ZNF581: variants seen among roughly 807,000 people sequenced by gnomAD.
ZNF581 encodes zinc finger protein 581.
In ZNF581, 1 loss-of-function variant was observed where a neutral mutation model predicts 1.2. The ratio of observed to expected loss-of-function variants is 0.83; its 90% CI spans 0.30 to 3.95. The LOEUF (loss-of-function observed/expected upper bound fraction) is 3.95. Ranked by LOEUF, ZNF581 falls within the 30% of genes most tolerant of loss-of-function variation. The pLI is 0.18. For missense variants in ZNF581, 273 were observed against 274.6 expected, an observed-to-expected ratio of 0.99 and a Z score of 0.04; for synonymous variants, 105 against 109.2, an observed-to-expected ratio of 0.96 and a Z score of 0.24.
chr19:55,644,745 T>G lies in ZNF581; in HGVS notation c.174T>G (p.Thr58=). 1 of 1,614,070 alleles carries G rather than the reference T, an allele frequency of 6.2e-7. No individual in the cohort carries two copies. ...CCAACCACTACCTGCTTATTGACAC[T>G]CAGGGTGTCCCCTACACAGTGCTGG... ...PRPNHYLLID[T]QGVPYTVLVD... is the part of the protein sequence containing the mutation. Residue 58 remains threonine, a synonymous_variant, in exon 2 of 2, where the codon ACT becomes ACG. Coordinates refer to ENST00000270451, the MANE Select transcript of ZNF581 (RefSeq NM_016535.4). This position sits in a 1 kb window ranked among gnomAD's most constrained non-coding sequence, Gnocchi z 4.3.
chr19:55,640,134 G>A, upstream of ZNF581: 13 of 985,476 alleles, frequency 1.3e-5, no homozygotes, highest in Non-Finnish European at 1.4e-5. Context: ...AGCTGCACCT[G>A]CAGATGCTGC....
At chr19:55,643,119 TCTGCTGAGGTTA>T, upstream of ZNF581, 1 of 1,300,876 alleles carries the variant, frequency 7.7e-7, no homozygotes, top group Non-Finnish European at 9.8e-7. Context: ...ACCCCCTGGC[TCTGCTGAGGTTA>T]CTGCCTTACC....
Position 55,644,123 on chromosome 19 carries a change from C to T in ZNF581, c.-20+349C>T, listed in dbSNP as rs1329954977. Among the ~76,000 whole-genome samples, 1 of 151,682 alleles carries T rather than the reference C, an allele frequency of 6.6e-6. No individual in the cohort carries two copies. ...TAACGTCGGAGCCCCTGTGAATAGG[C>T]TTGGCTTGTATGGAGGGGGTCAGGA... On this transcript the variant is annotated intron_variant, in intron 1 of 1. Coordinates refer to ENST00000270451, the MANE Select transcript of ZNF581 (RefSeq NM_016535.4). The surrounding 1 kb of genome is among the most constrained non-coding windows in gnomAD (Gnocchi z 4.3).
At chr19:55,642,373 T>C (rs1482379788), upstream of ZNF581, 13 of 1,291,154 alleles carry the variant, frequency 1.0e-5, no homozygotes, top group Non-Finnish European at 1.2e-5. Context: ...TTTATTTTGC[T>C]AGGGAGGTAG....
chr19:55,642,529 G>A (rs760701650), upstream of ZNF581: 6 of 1,437,032 alleles, frequency 4.2e-6, no homozygotes, highest in South Asian at 1.6e-5. Context: ...TGCCGCCGCG[G>A]CCACCCCACC....
chr19:55,640,138 A>ATGC (rs745554173), upstream of ZNF581: 46 of 985,322 alleles, frequency 4.7e-5, no homozygotes, highest in Non-Finnish European at 5.4e-5. Context: ...GCACCTGCAG[A>ATGC]TGCTGCTGCT....
intron 1 of ZNF581, among the ~76,000 whole-genome samples, chr19:55,636,012 C>T (rs1032644424): frequency 2.0e-5 from 3 of 152,206 alleles, no homozygotes; most frequent in East Asian, 1.9e-4. Flanking sequence ...TGTGAGATGC[C>T]GTGTGTGCTT....
chr19:55,636,466 T>C (rs1982097142), upstream of ZNF581, among the ~76,000 whole-genome samples: 1 of 152,020 alleles, frequency 6.6e-6, no homozygotes, highest in African/African-American at 2.4e-5. Flanking sequence ...TTCTCTTTGG[T>C]GGGGAGCTGG....
chr19:55,640,252 C>T (rs1313479314), upstream of ZNF581: 3 of 985,364 alleles, frequency 3.0e-6, no homozygotes, highest in Non-Finnish European at 3.6e-6. Context: ...GCAGCGCCAC[C>T]GCGCGTTGCT....
At chr19:55,642,922 T>TCGCGCCACGCAC, upstream of ZNF581, 1 of 1,508,204 alleles carries the variant, frequency 6.6e-7, no homozygotes, top group Non-Finnish European at 8.8e-7. Context: ...TGTCGCGGCA[T>TCGCGCCACGCAC]CGCGCCACGC....
upstream of ZNF581, chr19:55,643,367 G>A (rs1416366719): frequency 6.7e-6 from 2 of 297,602 alleles, no homozygotes; most frequent in East Asian, 1.2e-4. Context: ...TTGTCTGCGG[G>A]GAAGAGATGA....
chr19:55,642,940 C>G, upstream of ZNF581: 1 of 1,441,570 alleles, frequency 6.9e-7, no homozygotes, highest in Admixed American at 2.8e-5. Flanking sequence ...CGCACCGCGC[C>G]CGCGCCGGGC....
Position 55,645,428 on chromosome 19 carries a change from A to G in ZNF581, c.*263A>G. On this transcript the variant is annotated 3_prime_UTR_variant, in exon 2 of 2. Transcript: ENST00000270451. The stretch of plus-strand genomic sequence containing the variant: ...AAAGATATCAGCTGTTCCATGGCAG[A>G]GCCTTGACTGGATGGAGGTGGGGAG... 2.7e-6 allele frequency: 1 copy of G among 371,338 alleles called. No homozygotes were observed. The highest frequency in any genetic ancestry group is 1.3e-4 in the South Asian group (1 of 7,950). 23.0% of individuals were successfully genotyped at this position (371,338 alleles called of 1,614,324 possible). A position where few individuals can be genotyped will look rare whatever the true frequency, so the allele number is the denominator to read the frequency against.
upstream of ZNF581, chr19:55,643,193 A>C: frequency 8.6e-7 from 1 of 1,166,448 alleles, no homozygotes; most frequent in Non-Finnish European, 1.1e-6. Flanking sequence ...TTCCTTCCTT[A>C]CCCCCTTTCT....
At chr19:55,635,618 T>A (rs989997209) in exon 1 of ZNF581, 1 of 966,354 alleles carries the variant, frequency 1.0e-6, no homozygotes, top group Admixed American at 6.2e-5. Context: ...CAGTGTGAAC[T>A]GAAGTTTGGG....
chr19:55,638,948 T>C (rs550713742), upstream of ZNF581, among the ~76,000 whole-genome samples: 8 of 134,904 alleles, frequency 5.9e-5, no homozygotes, highest in Non-Finnish European at 1.2e-4. Context: ...GAGGTTGCAG[T>C]GAGCCTAGAA....
upstream of ZNF581, chr19:55,641,096 G>T: frequency 1.0e-6 from 1 of 985,358 alleles, no homozygotes; most frequent in Non-Finnish European, 1.2e-6. Context: ...CGGAAGTCTC[G>T]GTTCCGCCGC....
chr19:55,637,292 T>G (rs1470362935), upstream of ZNF581, among the ~76,000 whole-genome samples: 1 of 151,988 alleles, frequency 6.6e-6, no homozygotes, highest in Non-Finnish European at 1.5e-5. Context: ...TCCCAGGACT[T>G]TGGGAGGCTG....
upstream of ZNF581, chr19:55,642,186 G>A: frequency 8.8e-7 from 1 of 1,130,712 alleles, no homozygotes. Context: ...GCTGGGGTGG[G>A]TTGAGAGGAG....
Sources: gnomAD v4.1 joint callset for allele counts (sites outside exome capture counted in the v4.1 genomes callset) on GRCh38, gnomAD v4.1.1 for gene constraint, Gnocchi (gnomAD v3.1) non-coding constraint, MANE v1.5 for transcripts, NCBI Gene and HGNC (gene_info 2026-07-23, HGNC 2026-07-21) for gene names.